PTPRD: variants seen among roughly 807,000 people sequenced by gnomAD.
The protein encoded by PTPRD is receptor-type tyrosine-protein phosphatase delta.
PTPRD carries 34 observed loss-of-function variants against 214.5 expected under a neutral mutation model. The ratio of observed to expected loss-of-function variants is 0.16; its 90% CI spans 0.12 to 0.21. The LOEUF (loss-of-function observed/expected upper bound fraction) is 0.21, where lower values mean the gene tolerates loss of function less well. Among genes scored for constraint, PTPRD ranks in the 10% least tolerant of loss-of-function variants. PTPRD has a pLI of 1.00. For missense variants in PTPRD, 2,545 were observed against 2,398.7 expected (o/e 1.06, Z -1.27); for synonymous variants, 1,128 against 845.7 (o/e 1.33, Z -5.79).
At chr9:8,905,109 A>G (rs1052237045) in intron 11 of PTPRD, among the ~76,000 whole-genome samples, 2 of 152,220 alleles carry the variant, frequency 1.3e-5, no homozygotes, top group Non-Finnish European at 2.9e-5. Context: ...GGTCATTCTC[A>G]CCAGTCATCT....
At chr9:9,949,289 G>A (rs1408947639) in intron 4 of PTPRD, among the ~76,000 whole-genome samples, 4 of 152,118 alleles carry the variant, frequency 2.6e-5, no homozygotes, top group Non-Finnish European at 2.9e-5. Context: ...CCAAAGCAGT[G>A]CATCTTACAC....
intron 3 of PTPRD, among the ~76,000 whole-genome samples, chr9:10,326,564 A>AT (rs2096646559): frequency 6.6e-6 from 1 of 151,466 alleles, no homozygotes; most frequent in Admixed American, 6.6e-5. Context: ...TTTTACACCC[A>AT]TTTTTTACTT....
chr9:9,692,650 T>TTTC (rs1554847461), intron 7 of PTPRD, among the ~76,000 whole-genome samples: 4 of 150,116 alleles, frequency 2.7e-5, no homozygotes, highest in East Asian at 3.9e-4. Context: ...TTTTTTTTTT[T>TTTC]CTATTTCTGT....
chr9:8,967,837 T>C (rs899775109), intron 11 of PTPRD, among the ~76,000 whole-genome samples: 1 of 152,070 alleles, frequency 6.6e-6, no homozygotes, highest in East Asian at 1.9e-4. Flanking sequence ...TGTGCCATGT[T>C]GGTGTGCTGC....
At chr9:9,968,679 C>A (rs1387264860) in intron 4 of PTPRD, among the ~76,000 whole-genome samples, 1 of 151,686 alleles carries the variant, frequency 6.6e-6, no homozygotes, top group African/African-American at 2.4e-5. Context: ...TGAGGATTCC[C>A]AAAAAGAAAA....
chr9:8,467,522 G>C (rs2096567542), intron 31 of PTPRD, among the ~76,000 whole-genome samples: 1 of 151,762 alleles, frequency 6.6e-6, no homozygotes, highest in African/African-American at 2.4e-5. Flanking sequence ...TGAGGAAACT[G>C]AGGCACAATA....
At chr9:8,385,482 G>A (rs1352785785) in intron 37 of PTPRD, among the ~76,000 whole-genome samples, 1 of 152,098 alleles carries the variant, frequency 6.6e-6, no homozygotes, top group East Asian at 1.9e-4. Flanking sequence ...CCACTGCACT[G>A]CAGCCTGGAC....
intron 11 of PTPRD, among the ~76,000 whole-genome samples, chr9:8,931,839 A>C (rs2098954805): frequency 6.6e-6 from 1 of 151,962 alleles, no homozygotes; most frequent in Admixed American, 6.6e-5. Context: ...CCTCAATTTC[A>C]GAACTTGTTA....
rs2098688971 is a variant in PTPRD at position 10,111,241 on chromosome 9, T to TC, written c.-544-77452_-544-77451insG. Among the ~76,000 whole-genome samples the TC allele has an allele frequency of 3.1e-5, 4 of 130,396 alleles. No individual in the cohort carries two copies. In the Admixed American group the frequency reaches 3.1e-4, roughly 10 times the overall value. The allele number at this position is 130,396 out of a possible 152,430, so 85.5% of individuals were successfully genotyped here. On this transcript the variant is annotated intron_variant, in intron 3 of 45. Coordinates refer to ENST00000381196, the MANE Select transcript of PTPRD (RefSeq NM_002839.4). Reference sequence around the variant, plus strand: ...TCCAGTTTAGTTTCTTTTTTTTTTTTTTTTTTTTTTTTTTTGAGACGGAGT... The same window carrying TC: ...TCCAGTTTAGTTTCTTTTTTTTTTTTCTTTTTTTTTTTTTTTGAGACGGAGT...
At chr9:9,588,790 G>C (rs2092387735) in intron 7 of PTPRD, among the ~76,000 whole-genome samples, 1 of 151,900 alleles carries the variant, frequency 6.6e-6, no homozygotes, top group East Asian at 1.9e-4. Context: ...ACTCATCAAT[G>C]TCATCATTTT....
intron 11 of PTPRD, among the ~76,000 whole-genome samples, chr9:8,831,745 T>C (rs2097296480): frequency 6.6e-6 from 1 of 152,214 alleles, no homozygotes; most frequent in Non-Finnish European, 1.5e-5. Context: ...TCTCTGCTAT[T>C]GGTTTCAACA....
At chr9:8,606,836 T>C (rs1400056266) in intron 14 of PTPRD, among the ~76,000 whole-genome samples, 1 of 152,242 alleles carries the variant, frequency 6.6e-6, no homozygotes, top group Admixed American at 6.5e-5. Flanking sequence ...ACAAAGCACA[T>C]TGCTTAAATT....
At chr9:10,161,686 T>G (rs1217686276) in intron 3 of PTPRD, among the ~76,000 whole-genome samples, 2 of 151,794 alleles carry the variant, frequency 1.3e-5, no homozygotes, top group East Asian at 3.9e-4. Flanking sequence ...CAAGCCATAA[T>G]AGCTGAATGG....
intron 4 of PTPRD, among the ~76,000 whole-genome samples, chr9:9,992,955 TA>T (rs1458855822): frequency 1.4e-5 from 2 of 146,306 alleles, no homozygotes; most frequent in East Asian, 2.0e-4. Context: ...AAAATAATAA[TA>T]AAAAAATAAA....
chr9:9,897,874 A>C (rs1013647812), intron 5 of PTPRD, among the ~76,000 whole-genome samples: 4 of 152,086 alleles, frequency 2.6e-5, no homozygotes, highest in Non-Finnish European at 5.9e-5. Context: ...CTAATAGTAT[A>C]CATTTTAGGC....
intron 11 of PTPRD, among the ~76,000 whole-genome samples, chr9:8,859,327 A>G (rs1586772555): frequency 6.6e-6 from 1 of 152,198 alleles, no homozygotes. Flanking sequence ...ACCCAAGGTG[A>G]CTAAGGTGCA....
chr9:9,049,304 G>A (rs1569505915), intron 10 of PTPRD, among the ~76,000 whole-genome samples: 2 of 152,140 alleles, frequency 1.3e-5, no homozygotes, highest in Non-Finnish European at 2.9e-5. Flanking sequence ...ATTTTCTCAT[G>A]GAACCCTAGT....
chr9:10,085,388 G>C (rs769566814), intron 3 of PTPRD, among the ~76,000 whole-genome samples: 1 of 151,790 alleles, frequency 6.6e-6, no homozygotes, highest in African/African-American at 2.4e-5. Context: ...ATTTATAACT[G>C]CTGGAGATAT....
intron 3 of PTPRD, among the ~76,000 whole-genome samples, chr9:10,159,221 A>G (rs930611343): frequency 2.0e-5 from 3 of 152,152 alleles, no homozygotes; most frequent in African/African-American, 7.2e-5. Flanking sequence ...TGAAAATACA[A>G]AGAAAGAAAG....
Sources: allele counts gnomAD v4.1 joint callset (sites outside exome capture counted in the v4.1 genomes callset), GRCh38; gene constraint gnomAD v4.1.1; transcripts MANE v1.5; gene names NCBI Gene and HGNC (gene_info 2026-07-23, HGNC 2026-07-21).